ACOT7: variants seen among roughly 807,000 people sequenced by gnomAD.
ACOT7 encodes acyl-CoA thioesterase 7.
A neutral mutation model predicts 40.2 loss-of-function variants in ACOT7; 12 were observed. The ratio of observed to expected loss-of-function variants is 0.30; its 90% CI spans 0.19 to 0.48. The LOEUF (loss-of-function observed/expected upper bound fraction) is 0.48, where lower values mean the gene tolerates loss of function less well. Among genes scored for constraint, ACOT7 ranks in the 20% least tolerant of loss-of-function variants. The probability of loss-of-function intolerance (pLI) is 0.99; values close to 1 mark genes in which losing one functional copy is unlikely to be tolerated. For missense variants in ACOT7, 395 were observed against 530.8 expected (o/e 0.74, Z 2.51); for synonymous variants, 228 against 219.5 (o/e 1.04, Z -0.34).
intron 7 of ACOT7, among the ~76,000 whole-genome samples, chr1:6,292,294 G>T (rs944228084): frequency 6.6e-6 from 1 of 152,272 alleles, no homozygotes; most frequent in Non-Finnish European, 1.5e-5. Flanking sequence ...GTGGGGGCCT[G>T]GGCGGCCCAC....
At chr1:6,284,398 G>C (rs1432728607) in intron 7 of ACOT7, among the ~76,000 whole-genome samples, 1 of 151,960 alleles carries the variant, frequency 6.6e-6, no homozygotes, top group African/African-American at 2.4e-5. Context: ...CCAACATGGT[G>C]AAACCCTGTC....
chr1:6,386,634 T>C (rs1318135205), intron 1 of ACOT7, among the ~76,000 whole-genome samples: 2 of 152,118 alleles, frequency 1.3e-5, no homozygotes, highest in Non-Finnish European at 2.9e-5. Context: ...GGTGGGAAGA[T>C]CACTTGAGCC....
chr1:6,303,403 C>T (rs1196227432), intron 6 of ACOT7, among the ~76,000 whole-genome samples: 2 of 151,820 alleles, frequency 1.3e-5, no homozygotes, highest in African/African-American at 4.8e-5. Context: ...TAACATTTAA[C>T]TGCTTATAGG....
chr1:6,307,799 C>A (rs1201224829), intron 6 of ACOT7, among the ~76,000 whole-genome samples: 1 of 151,194 alleles, frequency 6.6e-6, no homozygotes, highest in African/African-American at 2.4e-5. Flanking sequence ...GCAGAAGGAA[C>A]AGCCACAGGT....
chr1:6,277,036 G>A (rs1283161122), intron 8 of ACOT7, among the ~76,000 whole-genome samples: 1 of 152,018 alleles, frequency 6.6e-6, no homozygotes, highest in African/African-American at 2.4e-5. Flanking sequence ...CCCCAGGACT[G>A]CTCCCCAGCT....
In ACOT7 at chr1:6,294,278, G is replaced by C. The variant is rs1050313139; in HGVS notation, c.829+586C>G. Reference sequence around the variant, plus strand: ...ACATAAGACAAGCATGGTGACCTCTGCTCATACAAACTGCAGAGGCCTGGC... The same window carrying C: ...ACATAAGACAAGCATGGTGACCTCTCCTCATACAAACTGCAGAGGCCTGGC... On this transcript the variant is annotated intron_variant, in intron 7 of 8. Coordinates refer to ENST00000361521, the MANE Select transcript of ACOT7 (RefSeq NM_007274.4). The surrounding 1 kb of genome is among the most constrained non-coding windows in gnomAD (Gnocchi z 4.6). 8.5e-5 allele frequency among the ~76,000 whole-genome samples: 13 copies of C among 152,226 alleles called. No individual in the cohort carries two copies. The highest frequency in any genetic ancestry group is 2.7e-4 in the African/African-American group (11 of 41,450).
At chr1:6,340,251 C>CGCCCGGCCTAG (rs1235420100) in intron 2 of ACOT7, among the ~76,000 whole-genome samples, 1 of 152,166 alleles carries the variant, frequency 6.6e-6, no homozygotes, top group African/African-American at 2.4e-5. Flanking sequence ...CAGGCATGAG[C>CGCCCGGCCTAG]CACCGCGCCC....
At position 6,358,148 on chromosome 1, in the gene ACOT7, CGTGA is replaced by C. The variant is rs376653570; in HGVS notation, c.144-8286_144-8283del. 3.9e-5 allele frequency among the ~76,000 whole-genome samples: 6 copies of C among 152,212 alleles called. No homozygotes were observed. In the South Asian group the frequency reaches 1.2e-3, roughly 32 times the overall value. On this transcript the variant is annotated intron_variant, in intron 1 of 8. Coordinates refer to ENST00000361521, the MANE Select transcript of ACOT7 (RefSeq NM_007274.4). This position sits in a 1 kb window ranked among gnomAD's most constrained non-coding sequence, Gnocchi z 4.1. The stretch of plus-strand genomic sequence containing the variant: ...CCTCCCAAAGTGCTGAGATTACAGG[CGTGA>C]GTCACAGAGTCTGGCCCCTGCTTCT...
Position 6,282,898 on chromosome 1 carries a change from T to C in ACOT7, c.830-1612A>G, listed in dbSNP as rs747591441. On this transcript the variant is annotated intron_variant, in intron 7 of 8. Coordinates refer to ENST00000361521, the MANE Select transcript of ACOT7 (RefSeq NM_007274.4). The surrounding 1 kb of genome is among the most constrained non-coding windows in gnomAD (Gnocchi z 4.5). The stretch of plus-strand genomic sequence containing the variant: ...GGCCCCAGCTAAGGAGCTAGAAGTT[T>C]CAACAGGTCAGACCTGAGGGTCTCC... The C allele has an allele frequency of 2.5e-5, 19 of 764,250 alleles. No homozygotes were observed. The highest frequency in any genetic ancestry group is 4.0e-6 in the Non-Finnish European group (2 of 496,166). The allele number at this position is 764,250 out of a possible 1,614,324, so 47.3% of individuals were successfully genotyped here. A position where few individuals can be genotyped will look rare whatever the true frequency, so the allele number is the denominator to read the frequency against.
At position 6,390,611 on chromosome 1, in the gene ACOT7, T is replaced by C. The variant is rs1475962706; in HGVS notation, c.143+2646A>G. 2.6e-5 allele frequency among the ~76,000 whole-genome samples: 4 copies of C among 151,324 alleles called. No homozygotes were observed. In the East Asian group the frequency reaches 5.9e-4, roughly 22 times the overall value. ...ACAATATGCAATTGTGAACCTGAGATAGCAGACTTGGTTTACAGTGGGTAA... is the reference window on the plus strand; with the variant it reads ...ACAATATGCAATTGTGAACCTGAGACAGCAGACTTGGTTTACAGTGGGTAA... On this transcript the variant is annotated intron_variant, in intron 1 of 8. Coordinates refer to ENST00000361521, the MANE Select transcript of ACOT7 (RefSeq NM_007274.4).
chr1:6,345,074 G>A (rs770637197), intron 2 of ACOT7, among the ~76,000 whole-genome samples: 46 of 152,272 alleles, frequency 3.0e-4, no homozygotes, highest in Non-Finnish European at 5.7e-4. Context: ...TTCAATACAT[G>A]GACTGACAAG....
At chr1:6,382,872 GT>G (rs1341927186) in intron 1 of ACOT7, among the ~76,000 whole-genome samples, 1 of 149,618 alleles carries the variant, frequency 6.7e-6, no homozygotes, top group Non-Finnish European at 1.5e-5. Context: ...TAAGATGGCA[GT>G]TTTTTTGTTT....
In ACOT7 at chr1:6,322,698, A is replaced by G. The variant is rs11799621; in HGVS notation, c.626-4120T>C. Reference sequence around the variant, plus strand: ...GACACCAGCCCACCCTAATGACCTCATTTTAACTTAATTACCTCTTTAAAG... The same window carrying G: ...GACACCAGCCCACCCTAATGACCTCGTTTTAACTTAATTACCTCTTTAAAG... On this transcript the variant is annotated intron_variant, in intron 5 of 8. Transcript: ENST00000361521. Among the ~76,000 whole-genome samples, 723 of 152,304 alleles carry G rather than the reference A, an allele frequency of 4.7e-3. 4 individuals are homozygous for G. The highest frequency in any genetic ancestry group is 0.017 in the African/African-American group (694 of 41,562).
Position 6,328,957 on chromosome 1 carries a change from G to A in ACOT7, c.511-1544C>T, listed in dbSNP as rs554642611. On this transcript the variant is annotated intron_variant, in intron 4 of 8. Coordinates refer to ENST00000361521, the MANE Select transcript of ACOT7 (RefSeq NM_007274.4). The stretch of plus-strand genomic sequence containing the variant: ...CTCCCCCTTGGCCTGGCCAGGGGCC[G>A]ACTACCACCTGGCTGTTCTGATTAG... Among the ~76,000 whole-genome samples, 6 of 152,314 alleles carry A rather than the reference G, an allele frequency of 3.9e-5. No homozygotes were observed. The South Asian group carries it at 6.2e-4, about 16-fold the overall frequency.
At chr1:6,296,028 C>T (rs573288172) in intron 6 of ACOT7, among the ~76,000 whole-genome samples, 2 of 152,238 alleles carry the variant, frequency 1.3e-5, no homozygotes, top group South Asian at 4.2e-4. Context: ...CTTCAGCCTC[C>T]AAAGTAGCTG....
In ACOT7 at chr1:6,333,462, G is replaced by A; in HGVS notation, c.510+15C>T. ...GCCATCTGCCCCCAAGAGAGAAGTAGAAAGGGCACCTTACCACAACAGGAG... is the reference window on the plus strand; with the variant it reads ...GCCATCTGCCCCCAAGAGAGAAGTAAAAAGGGCACCTTACCACAACAGGAG... On this transcript the variant is annotated intron_variant, in intron 4 of 8. Coordinates refer to ENST00000361521, the MANE Select transcript of ACOT7 (RefSeq NM_007274.4). 1 of 1,614,064 alleles carries A rather than the reference G, an allele frequency of 6.2e-7. No homozygotes were observed. The highest frequency in any genetic ancestry group is 8.5e-7 in the Non-Finnish European group (1 of 1,179,896).
chr1:6,390,360 T>A (rs1321799432), intron 1 of ACOT7, among the ~76,000 whole-genome samples: 1 of 151,612 alleles, frequency 6.6e-6, no homozygotes, highest in Non-Finnish European at 1.5e-5. Context: ...TCATCTAAGG[T>A]CAGGAGTTCG....
intron 2 of ACOT7, among the ~76,000 whole-genome samples, chr1:6,341,210 C>T (rs923057193): frequency 6.0e-5 from 9 of 151,174 alleles, no homozygotes; most frequent in African/African-American, 2.2e-4. Context: ...GGTGCAATCT[C>T]GGTTCACTGC....
At chr1:6,322,642 T>G (rs1332399087) in intron 5 of ACOT7, among the ~76,000 whole-genome samples, 1 of 152,242 alleles carries the variant, frequency 6.6e-6, no homozygotes, top group Non-Finnish European at 1.5e-5. Flanking sequence ...TTCCTCTGTG[T>G]GTGTCTGTCC....
Sources: gnomAD v4.1 joint callset for allele counts (sites outside exome capture counted in the v4.1 genomes callset) on GRCh38, gnomAD v4.1.1 for gene constraint, Gnocchi (gnomAD v3.1) non-coding constraint, MANE v1.5 for transcripts, NCBI Gene and HGNC (gene_info 2026-07-23, HGNC 2026-07-21) for gene names.